SYT2: variants seen among roughly 807,000 people sequenced by gnomAD.
The protein encoded by SYT2 is synaptotagmin-2.
SYT2 carries 15 observed loss-of-function variants against 39.9 expected under a neutral mutation model. The ratio of observed to expected loss-of-function variants is 0.38; its 90% CI spans 0.25 to 0.58. The LOEUF is 0.58. SYT2 is among the 20% of genes least tolerant of loss of function. The pLI, the probability that SYT2 is intolerant of heterozygous loss-of-function variation, is 0.70. For synonymous variants in SYT2, 181 were observed against 204.5 expected (o/e 0.89, Z 0.98); for missense variants, 389 against 530.3 (o/e 0.73, Z 2.62).
intron 1 of SYT2, among the ~76,000 whole-genome samples, chr1:202,693,843 C>T (rs1426350674): frequency 6.6e-6 from 1 of 152,218 alleles, no homozygotes; most frequent in Non-Finnish European, 1.5e-5. Context: ...TTAATTGGCT[C>T]ATGGTGCTTC....
rs926452538 is a variant in SYT2 at position 202,660,872 on chromosome 1, A to G, written c.-18+49386T>C. 3.9e-5 allele frequency among the ~76,000 whole-genome samples: 6 copies of G among 152,262 alleles called. No individual in the cohort carries two copies. In the South Asian group the frequency reaches 1.2e-3, roughly 32 times the overall value. On this transcript the variant is annotated intron_variant, in intron 1 of 8. Coordinates refer to ENST00000367268, the MANE Select transcript of SYT2 (RefSeq NM_177402.5). ...CCCAGGTAATTAGATGTGGGCGCCT[A>G]TGCTCGCAGCACATTGCAAGCTTCG...
intron 1 of SYT2, among the ~76,000 whole-genome samples, chr1:202,696,593 A>G (rs1298578071): frequency 6.6e-6 from 1 of 152,180 alleles, no homozygotes; most frequent in Non-Finnish European, 1.5e-5. Context: ...TCACAGTTGC[A>G]CAGAGAGCTT....
chr1:202,694,222 G>C (rs1260033645), intron 1 of SYT2, among the ~76,000 whole-genome samples: 2 of 152,176 alleles, frequency 1.3e-5, no homozygotes, highest in African/African-American at 4.8e-5. Flanking sequence ...GATGCCCCTG[G>C]GATACATGTG....
rs1690220112 is a variant in SYT2 at position 202,594,419 on chromosome 1, G to A, written c.*2338C>T. ...GGGAAAGGGCAAAGGAGTAAAGGTA[G>A]AGGGGATATTGACAAGGGGGTCTCC... On this transcript the variant is annotated 3_prime_UTR_variant, in exon 9 of 9. Coordinates refer to ENST00000367268, the MANE Select transcript of SYT2 (RefSeq NM_177402.5). 1 of 152,264 alleles carries A rather than the reference G, an allele frequency of 6.6e-6. No homozygotes were observed. The highest frequency in any genetic ancestry group is 2.1e-4 in the South Asian group (1 of 4,832). The allele number at this position is 152,264 out of a possible 1,614,324, so 9.4% of individuals were successfully genotyped here. A position where few individuals can be genotyped will look rare whatever the true frequency, so the allele number is the denominator to read the frequency against.
chr1:202,703,467 C>T (rs906933186), intron 1 of SYT2, among the ~76,000 whole-genome samples: 5 of 152,286 alleles, frequency 3.3e-5, no homozygotes, highest in South Asian at 4.1e-4. Context: ...CTCTCACATG[C>T]ACACTACTGC....
At chr1:202,640,380 C>T (rs1396556965) in intron 1 of SYT2, among the ~76,000 whole-genome samples, 4 of 152,120 alleles carry the variant, frequency 2.6e-5, no homozygotes, top group Non-Finnish European at 5.9e-5. Flanking sequence ...CAGTGGTGTG[C>T]GACTTGCCTA....
rs1005833477 is a variant in SYT2 at position 202,599,388 on chromosome 1, C to A, written c.920-37G>T. On this transcript the variant is annotated intron_variant, in intron 7 of 8. Coordinates refer to ENST00000367268, the MANE Select transcript of SYT2 (RefSeq NM_177402.5). This position sits in a 1 kb window ranked among gnomAD's most constrained non-coding sequence, Gnocchi z 4.4. ...GAATCCCAACCCCAGAGAGGTTCCCCTTAGCCCCCAGCCTTCCTGCCGAAT... is the reference window on the plus strand; with the variant it reads ...GAATCCCAACCCCAGAGAGGTTCCCATTAGCCCCCAGCCTTCCTGCCGAAT... 5.8e-6 allele frequency: 9 copies of A among 1,558,806 alleles called. No individual in the cohort carries two copies. Among genetic ancestry groups the A allele is most frequent in the East Asian group, 2.4e-5 (1 of 42,424 alleles).
Position 202,605,580 on chromosome 1 carries a change from AC to A in SYT2, c.178+14del, listed in dbSNP as rs1558425942. The A allele has an allele frequency of 1.4e-5, 23 of 1,609,998 alleles. No homozygotes were observed. Among genetic ancestry groups the A allele is most frequent in the Non-Finnish European group, 1.9e-5 (22 of 1,176,482 alleles). ...CTAGCCTTGCCCCACCCTCTCAGCC[AC>A]CAGAGACACTCACAGGGAATCTTGT... On this transcript the variant is annotated intron_variant, in intron 2 of 8. Coordinates refer to ENST00000367268, the MANE Select transcript of SYT2 (RefSeq NM_177402.5).
chr1:202,682,216 G>A (rs144709070), intron 1 of SYT2, among the ~76,000 whole-genome samples: 17 of 152,334 alleles, frequency 1.1e-4, no homozygotes, highest in African/African-American at 3.6e-4. Flanking sequence ...ATTCAAGGGA[G>A]CACGTTGGCT....
At chr1:202,637,189 C>G (rs1284678273) in intron 1 of SYT2, among the ~76,000 whole-genome samples, 1 of 152,022 alleles carries the variant, frequency 6.6e-6, no homozygotes, top group Admixed American at 6.6e-5. Flanking sequence ...AGAAAAACCT[C>G]CCAAAACAAA....
intron 1 of SYT2, chr1:202,632,788 C>T (rs777445241): frequency 6.5e-6 from 1 of 153,956 alleles, no homozygotes; most frequent in Non-Finnish European, 1.4e-5. Flanking sequence ...GGATTTGGGA[C>T]CAGACAGCCT....
In SYT2 at chr1:202,690,085, A is replaced by G. The variant is rs150819789; in HGVS notation, c.-18+20173T>C. ...CCAGAGCTGGGGACGCAGCAACGGAACAGCTGGAACTGAGACCTACACCCA... is the reference window on the plus strand; with the variant it reads ...CCAGAGCTGGGGACGCAGCAACGGAGCAGCTGGAACTGAGACCTACACCCA... On this transcript the variant is annotated intron_variant, in intron 1 of 8. Transcript: ENST00000367268. Among the ~76,000 whole-genome samples, 112 of 152,180 alleles carry G rather than the reference A, an allele frequency of 7.4e-4. 4 individuals are homozygous for G. In the East Asian group the frequency reaches 0.019, roughly 26 times the overall value.
chr1:202,664,478 A>G (rs1419683243), intron 1 of SYT2, among the ~76,000 whole-genome samples: 3 of 152,076 alleles, frequency 2.0e-5, no homozygotes, highest in Non-Finnish European at 4.4e-5. Context: ...CACCACCCCA[A>G]TCAATATACA....
intron 1 of SYT2, among the ~76,000 whole-genome samples, chr1:202,681,567 A>C (rs953047611): frequency 2.0e-5 from 3 of 152,226 alleles, no homozygotes; most frequent in African/African-American, 7.2e-5. Flanking sequence ...TATGATCTTG[A>C]GCCCTGAGGG....
chr1:202,629,713 T>C (rs1038101632), intron 1 of SYT2, among the ~76,000 whole-genome samples: 2 of 151,868 alleles, frequency 1.3e-5, no homozygotes, highest in Non-Finnish European at 2.9e-5. Context: ...TACAAAAAAT[T>C]TTAAAATTAG....
At chr1:202,637,586 G>A (rs1691774195) in intron 1 of SYT2, among the ~76,000 whole-genome samples, 1 of 152,250 alleles carries the variant, frequency 6.6e-6, no homozygotes, top group Admixed American at 6.5e-5. Context: ...GGAGCAGGTT[G>A]AAGGCAGGCT....
chr1:202,619,211 G>C (rs35302449), intron 1 of SYT2, among the ~76,000 whole-genome samples: 2 of 152,188 alleles, frequency 1.3e-5, no homozygotes, highest in Non-Finnish European at 2.9e-5. Flanking sequence ...CTGCAGTCCC[G>C]GGGAGAGCAG....
chr1:202,600,615 C>T (rs1406863268), intron 6 of SYT2, 141 bp from the exon 7 acceptor site: 3 of 696,532 alleles, frequency 4.3e-6, no homozygotes, highest in South Asian at 1.7e-5. Context: ...ATGTGATGGC[C>T]GAGAAGGTCT....
At chr1:202,673,813 A>G (rs1653238502) in intron 1 of SYT2, among the ~76,000 whole-genome samples, 1 of 152,074 alleles carries the variant, frequency 6.6e-6, no homozygotes, top group African/African-American at 2.4e-5. Context: ...AGGCAGGGAG[A>G]TTTATTTAGC....
Sources: allele counts gnomAD v4.1 joint callset (sites outside exome capture counted in the v4.1 genomes callset), GRCh38; gene constraint gnomAD v4.1.1; non-coding constraint Gnocchi (gnomAD v3.1); transcripts MANE v1.5; gene names NCBI Gene and HGNC (gene_info 2026-07-23, HGNC 2026-07-21).